The following THSD7B variants were observed in gnomAD, a reference collection of about 807,000 sequenced individuals.
The protein encoded by THSD7B is thrombospondin type-1 domain-containing protein 7B.
In THSD7B, 138 loss-of-function variants were observed where a neutral mutation model predicts 213.6. That is an observed-to-expected ratio of 0.65 (90% CI 0.56 to 0.74). The LOEUF is 0.74. Ranked by LOEUF, THSD7B falls within the 30% of genes least tolerant of loss-of-function variation. The pLI, the probability that THSD7B is intolerant of heterozygous loss-of-function variation, is 0.00. For synonymous variants in THSD7B, 742 were observed against 687.0 expected (o/e 1.08, Z -1.25); for missense variants, 1,931 against 1,991.5 (o/e 0.97, Z 0.58).
In THSD7B at chr2:137,292,896, C is replaced by G. The variant is rs557478513; in HGVS notation, c.2500+16870C>G. On this transcript the variant is annotated intron_variant, in intron 12 of 27. Coordinates refer to ENST00000409968, the MANE Select transcript of THSD7B (RefSeq NM_001316349.2). The stretch of plus-strand genomic sequence containing the variant: ...TTTCATCTTATGGGTTAAATTTGTA[C>G]TTTAATACTCCCTATCTTTACCAGT... Among the ~76,000 whole-genome samples the G allele has an allele frequency of 2.6e-5, 4 of 152,180 alleles. No individual in the cohort carries two copies. In the South Asian group the frequency reaches 8.4e-4, roughly 32 times the overall value.
Position 137,412,268 on chromosome 2 carries a change from GA to G in THSD7B, c.2959+407del, listed in dbSNP as rs70978217. Among the ~76,000 whole-genome samples the G allele has an allele frequency of 8.5e-4, 126 of 148,254 alleles. 1 individual carries two copies. The highest frequency in any genetic ancestry group is 4.0e-3 in the East Asian group (20 of 5,002). On this transcript the variant is annotated intron_variant, in intron 14 of 27. Transcript: ENST00000409968. ...CTTGAGTGTCTTCTAATGTAGTTGA[GA>G]AAAAAAAAAATCAATGAAAAAGTTG...
chr2:137,215,738 T>C (rs183905028), intron 7 of THSD7B, among the ~76,000 whole-genome samples: 10 of 152,316 alleles, frequency 6.6e-5, no homozygotes, highest in South Asian at 2.1e-4. Flanking sequence ...ATTCTCTTAA[T>C]CTTTGTGAAT....
At chr2:137,035,101 G>A (rs1221407489) in intron 2 of THSD7B, among the ~76,000 whole-genome samples, 1 of 152,132 alleles carries the variant, frequency 6.6e-6, no homozygotes, top group Non-Finnish European at 1.5e-5. Context: ...GAACTCTGAG[G>A]CCCTGATGCT....
chr2:137,290,757 A>C (rs2602349), intron 12 of THSD7B, among the ~76,000 whole-genome samples: 1 of 152,214 alleles, frequency 6.6e-6, no homozygotes, highest in East Asian at 1.9e-4. Context: ...TATTTTCTCT[A>C]TCTGAGTTTT....
chr2:137,071,763 C>T (rs945865338), intron 3 of THSD7B, among the ~76,000 whole-genome samples: 1 of 152,102 alleles, frequency 6.6e-6, no homozygotes, highest in Non-Finnish European at 1.5e-5. Flanking sequence ...AGTCTTTAAT[C>T]CATCTTGAAT....
chr2:137,325,840 T>C (rs557519360), intron 12 of THSD7B, among the ~76,000 whole-genome samples: 26 of 152,322 alleles, frequency 1.7e-4, no homozygotes, highest in Middle Eastern at 3.4e-3. Context: ...TCTGATTCTC[T>C]TGGCTCTGTC....
At chr2:137,520,243 TA>T (rs1210177833) in intron 15 of THSD7B, among the ~76,000 whole-genome samples, 1 of 152,214 alleles carries the variant, frequency 6.6e-6, no homozygotes, top group Non-Finnish European at 1.5e-5. Flanking sequence ...TTGGATTCAT[TA>T]ATTCTTTTTA....
At chr2:137,271,039 AT>A (rs990963082) in intron 10 of THSD7B, among the ~76,000 whole-genome samples, 35 of 151,880 alleles carry the variant, frequency 2.3e-4, no homozygotes, top group Admixed American at 2.2e-3. Flanking sequence ...AGTATTAATG[AT>A]TTTTTTTAAA....
chr2:136,810,962 C>T (rs1682365831), intron 1 of THSD7B, among the ~76,000 whole-genome samples: 1 of 152,180 alleles, frequency 6.6e-6, no homozygotes, highest in Non-Finnish European at 1.5e-5. Flanking sequence ...GAGAGCTGTG[C>T]TGCATTAACC....
chr2:137,608,363 C>CTTTTTTTTTTTTT (rs200191662), intron 17 of THSD7B, among the ~76,000 whole-genome samples: 1 of 143,020 alleles, frequency 7.0e-6, no homozygotes. Flanking sequence ...CTCTGTGGTG[C>CTTTTTTTTTTTTT]TTTTTTTTTT....
intron 12 of THSD7B, among the ~76,000 whole-genome samples, chr2:137,351,265 A>G (rs1366551615): frequency 6.6e-6 from 1 of 151,986 alleles, no homozygotes; most frequent in Non-Finnish European, 1.5e-5. Flanking sequence ...TATTAAGATA[A>G]GCTTAACATA....
chr2:136,844,815 G>GAGA (rs1682982335), intron 1 of THSD7B, among the ~76,000 whole-genome samples: 5 of 152,194 alleles, frequency 3.3e-5, no homozygotes, highest in Admixed American at 3.3e-4. Context: ...GGAGAGGTAG[G>GAGA]AGAACATGTA....
At chr2:137,360,344 G>A (rs62165722) in intron 12 of THSD7B, among the ~76,000 whole-genome samples, 3 of 152,050 alleles carry the variant, frequency 2.0e-5, no homozygotes, top group Non-Finnish European at 2.9e-5. Flanking sequence ...GAGGTACCTG[G>A]TTCATCTCAT....
At chr2:137,101,492 G>T (rs534748756) in intron 4 of THSD7B, among the ~76,000 whole-genome samples, 6 of 152,312 alleles carry the variant, frequency 3.9e-5, no homozygotes, top group Non-Finnish European at 7.4e-5. Flanking sequence ...GAGCTAGCAG[G>T]AGTTTATTTT....
chr2:137,102,984 C>A (rs1364631465), intron 4 of THSD7B, among the ~76,000 whole-genome samples: 1 of 152,116 alleles, frequency 6.6e-6, no homozygotes, highest in Non-Finnish European at 1.5e-5. Flanking sequence ...TCCAGAAGAA[C>A]TTCCCCAACC....
chr2:136,825,278 T>C (rs1489426973), intron 1 of THSD7B, among the ~76,000 whole-genome samples: 1 of 152,130 alleles, frequency 6.6e-6, no homozygotes, highest in Admixed American at 6.6e-5. Flanking sequence ...TTAAAACAAA[T>C]TTATTATCTT....
At chr2:136,806,687 C>G (rs1013829130) in intron 1 of THSD7B, among the ~76,000 whole-genome samples, 2 of 152,200 alleles carry the variant, frequency 1.3e-5, no homozygotes, top group African/African-American at 4.8e-5. Flanking sequence ...GAAGACGAAT[C>G]TGCTAACTAT....
At chr2:137,616,114 T>A in intron 17 of THSD7B, 61 bp from the exon 18 acceptor site, 2 of 1,571,486 alleles carry the variant, frequency 1.3e-6, no homozygotes. Context: ...TACCTGTATA[T>A]CTTATATAAT....
intron 1 of THSD7B, among the ~76,000 whole-genome samples, chr2:136,822,532 T>C (rs1018766576): frequency 1.4e-4 from 21 of 152,186 alleles, no homozygotes; most frequent in African/African-American, 4.3e-4. Context: ...GTCATTATTT[T>C]CCCCATTTTA....
Sources: gnomAD v4.1 joint callset for allele counts (sites outside exome capture counted in the v4.1 genomes callset) on GRCh38, gnomAD v4.1.1 for gene constraint, MANE v1.5 for transcripts, NCBI Gene and HGNC (gene_info 2026-07-23, HGNC 2026-07-21) for gene names.